Variants in ANKRD28 observed in about 807,000 individuals in gnomAD.
The protein encoded by ANKRD28 is serine/threonine-protein phosphatase 6 regulatory ankyrin repeat subunit A.
In ANKRD28, 44 loss-of-function variants were observed where a neutral mutation model predicts 126.5. That is an observed-to-expected ratio of 0.35 (90% CI 0.27 to 0.45). ANKRD28 has a LOEUF of 0.45. Ranked by LOEUF, ANKRD28 falls within the 20% of genes least tolerant of loss-of-function variation. ANKRD28 has a pLI of 1.00. For missense variants in ANKRD28, 1,110 were observed against 1,316.6 expected, an observed-to-expected ratio of 0.84 and a Z score of 2.43; for synonymous variants, 442 against 468.5, an observed-to-expected ratio of 0.94 and a Z score of 0.73.
chr3:15,771,516 GAAGAGAGTGATC>G (rs1404674814), intron 2 of ANKRD28, among the ~76,000 whole-genome samples: 4 of 152,076 alleles, frequency 2.6e-5, no homozygotes, highest in Admixed American at 6.5e-5. Flanking sequence ...GTCACAAGGT[GAAGAGAGTGATC>G]AAGAGAGAGA....
intron 1 of ANKRD28, among the ~76,000 whole-genome samples, chr3:15,813,627 C>T (rs1008365246): frequency 2.6e-5 from 4 of 152,150 alleles, no homozygotes; most frequent in African/African-American, 7.2e-5. Context: ...ATGTTTGAAT[C>T]TGACATAAGA....
At chr3:15,744,124 A>C (rs2057312751) in intron 4 of ANKRD28, among the ~76,000 whole-genome samples, 1 of 152,238 alleles carries the variant, frequency 6.6e-6, no homozygotes, top group South Asian at 2.1e-4. Context: ...CGATGGTGTA[A>C]GTGATACTCT....
intron 4 of ANKRD28, among the ~76,000 whole-genome samples, chr3:15,747,600 T>C (rs2057564545): frequency 6.6e-6 from 1 of 152,172 alleles, no homozygotes; most frequent in Non-Finnish European, 1.5e-5. Context: ...CTGAGACTTG[T>C]TGTGTGGCCT....
At chr3:15,829,276 C>G (rs1044820505) in intron 1 of ANKRD28, among the ~76,000 whole-genome samples, 3 of 152,024 alleles carry the variant, frequency 2.0e-5, no homozygotes, top group Admixed American at 6.6e-5. Context: ...TCATGTCTGG[C>G]TTAACAGAAA....
chr3:15,754,908 G>A (rs182331793), intron 3 of ANKRD28, among the ~76,000 whole-genome samples: 99 of 152,250 alleles, frequency 6.5e-4, no homozygotes, highest in Non-Finnish European at 7.5e-4. Context: ...CCTGAGGTCA[G>A]GAGTTCAAGA....
At chr3:15,784,559 A>C (rs1257659219) in intron 2 of ANKRD28, among the ~76,000 whole-genome samples, 1 of 151,932 alleles carries the variant, frequency 6.6e-6, no homozygotes, top group African/African-American at 2.4e-5. Context: ...TAATCACATG[A>C]AATGCTCAAT....
intron 8 of ANKRD28, among the ~76,000 whole-genome samples, 153 bp from the exon 9 acceptor site, chr3:15,714,809 A>C (rs946927610): frequency 2.0e-5 from 3 of 152,216 alleles, no homozygotes; most frequent in African/African-American, 7.2e-5. Flanking sequence ...CAGCTGTTTA[A>C]AATTAGGAAT....
At chr3:15,772,350 CA>C (rs2059056625) in intron 2 of ANKRD28, among the ~76,000 whole-genome samples, 1 of 152,056 alleles carries the variant, frequency 6.6e-6, no homozygotes, top group African/African-American at 2.4e-5. Context: ...AGGGGATTAT[CA>C]ATAAAATCCC....
intron 8 of ANKRD28, among the ~76,000 whole-genome samples, chr3:15,715,877 A>G (rs1043237821): frequency 2.6e-5 from 4 of 151,372 alleles, no homozygotes; most frequent in Admixed American, 6.6e-5. Flanking sequence ...GTTCAACCAG[A>G]AAAAAAAAGG....
intron 3 of ANKRD28, among the ~76,000 whole-genome samples, chr3:15,753,912 C>T (rs2058017864): frequency 6.6e-6 from 1 of 152,146 alleles, no homozygotes; most frequent in East Asian, 1.9e-4. Flanking sequence ...CCACACACTC[C>T]AGCCTGGGCA....
In ANKRD28 at chr3:15,739,366, T is replaced by A. The variant is rs188875206; in HGVS notation, c.352-2133A>T. ...GAACTAATAAATGTCCATGAAATCT[T>A]CACAGTTTATGTTCTTCTGCCATGG... is the stretch of plus-strand genomic sequence containing the variant. On this transcript the variant is annotated intron_variant, in intron 4 of 27. Coordinates refer to ENST00000683139, the MANE Select transcript of ANKRD28 (RefSeq NM_001349278.2). Among the ~76,000 whole-genome samples, 583 of 152,324 alleles carry A rather than the reference T, an allele frequency of 3.8e-3. 2 individuals are homozygous for A. Among genetic ancestry groups the A allele is most frequent in the Non-Finnish European group, 3.9e-3 (263 of 68,030 alleles).
chr3:15,766,405 C>G (rs1289398129), intron 2 of ANKRD28, 93 bp from the exon 3 acceptor site: 4 of 850,418 alleles, frequency 4.7e-6, no homozygotes, highest in Non-Finnish European at 7.5e-6. Context: ...CCTCCCCCCA[C>G]CAAACCATTA....
At chr3:15,672,771 C>A (rs1036115925) in intron 27 of ANKRD28, among the ~76,000 whole-genome samples, 7 of 152,086 alleles carry the variant, frequency 4.6e-5, no homozygotes, top group African/African-American at 1.7e-4. Context: ...AGGCTCCTCT[C>A]CTCTGCATGG....
intron 6 of ANKRD28, among the ~76,000 whole-genome samples, chr3:15,725,034 C>A (rs2074051768): frequency 6.6e-6 from 1 of 152,012 alleles, no homozygotes; most frequent in Non-Finnish European, 1.5e-5. Flanking sequence ...TAAGTGTTGG[C>A]AGAGACAATT....
At chr3:15,826,626 C>G (rs1187534493) in intron 1 of ANKRD28, among the ~76,000 whole-genome samples, 2 of 152,138 alleles carry the variant, frequency 1.3e-5, no homozygotes, top group Non-Finnish European at 2.9e-5. Context: ...GTATTCACAG[C>G]TGTTTATTCC....
intron 2 of ANKRD28, among the ~76,000 whole-genome samples, chr3:15,794,347 G>C: frequency 6.7e-6 from 1 of 150,032 alleles, no homozygotes; most frequent in East Asian, 1.9e-4. Flanking sequence ...AAGGAGGAAA[G>C]ATGAGAGTTA....
rs2061505254 is a variant in ANKRD28 at position 15,845,136 on chromosome 3, C to G, written c.27+14241G>C. Among the ~76,000 whole-genome samples the G allele has an allele frequency of 6.6e-6, 1 of 152,200 alleles. No individual in the cohort carries two copies. The highest frequency in any genetic ancestry group is 1.5e-5 in the Non-Finnish European group (1 of 68,038). ...CCAATCACCTCCCACAAGGTCCCACCTCCAACACTGGGGATTATAACTAGA... is the reference window on the plus strand; with the variant it reads ...CCAATCACCTCCCACAAGGTCCCACGTCCAACACTGGGGATTATAACTAGA... On this transcript the variant is annotated intron_variant, in intron 1 of 27. Coordinates refer to the ANKRD28 transcript ENST00000399451. The surrounding 1 kb of genome is among the most constrained non-coding windows in gnomAD (Gnocchi z 4.9).
At chr3:15,676,869 A>C (rs919438814) in intron 26 of ANKRD28, 105 bp downstream of exon 26, 1 of 847,658 alleles carries the variant, frequency 1.2e-6, no homozygotes, top group Non-Finnish European at 1.8e-6. Context: ...AATTGCTTCT[A>C]TGACTAATGA....
chr3:15,695,155 C>A, intron 16 of ANKRD28, 33 bp downstream of exon 16: 2 of 1,529,568 alleles, frequency 1.3e-6, no homozygotes, highest in Admixed American at 1.7e-5. Context: ...CTGACCAATA[C>A]TAATTGGTGG....
Sources: gnomAD v4.1 joint callset for allele counts (sites outside exome capture counted in the v4.1 genomes callset) on GRCh38, gnomAD v4.1.1 for gene constraint, Gnocchi (gnomAD v3.1) non-coding constraint, MANE v1.5 for transcripts, NCBI Gene and HGNC (gene_info 2026-07-23, HGNC 2026-07-21) for gene names.